The following CIP2A variants were observed in gnomAD, a reference collection of about 807,000 sequenced individuals.
CIP2A encodes the protein protein CIP2A.
In CIP2A, 103 loss-of-function variants were observed where a neutral mutation model predicts 110.9. The observed-to-expected ratio is 0.93, with a 90% CI of 0.79 to 1.09. The LOEUF (loss-of-function observed/expected upper bound fraction) is 1.09. Ranked by LOEUF, CIP2A falls within the 50% of genes least tolerant of loss-of-function variation. CIP2A has a pLI of 0.00. For synonymous variants in CIP2A, 381 were observed against 361.6 expected (o/e 1.05, Z -0.61); for missense variants, 1,088 against 1,038.4 (o/e 1.05, Z -0.66).
chr3:108,566,698 T>C (rs1938200120), intron 10 of CIP2A, 60 bp from the exon 11 acceptor site: 1 of 1,062,532 alleles, frequency 9.4e-7, no homozygotes, highest in Non-Finnish European at 1.3e-6. Context: ...AAAGATAACA[T>C]TCAGGATGAT....
rs774210198 is a variant in CIP2A at position 108,582,126 on chromosome 3, G to A, written c.434C>T (p.Thr145Met). 19 of 1,463,884 alleles carry A rather than the reference G, an allele frequency of 1.3e-5. No homozygotes were observed. The highest frequency in any genetic ancestry group is 7.0e-5 in the African/African-American group (5 of 70,996). The allele number at this position is 1,463,884 out of a possible 1,614,324, so 90.7% of individuals were successfully genotyped here. Residue 145 changes from threonine to methionine, a missense_variant, in exon 4 of 21, where the codon ACG becomes ATG. Physicochemically the swap from Thr to Met is moderately conservative, Grantham distance 81. Transcript: ENST00000295746. ...TACTCACATGTGATCTATCAGGAAC[G>A]TAATTAATTCATCTATATTGGCACC... ...YSGANIDELI[T>M]FLIDHIQSSE...
intron 1 of CIP2A, among the ~76,000 whole-genome samples, chr3:108,588,814 T>C (rs1385291125): frequency 1.3e-5 from 2 of 152,222 alleles, no homozygotes; most frequent in Non-Finnish European, 2.9e-5. Context: ...AATGTTGAAA[T>C]AATGTTTTTC....
Position 108,569,379 on chromosome 3 carries a change from A to G in CIP2A, c.1113+10T>C, listed in dbSNP as rs1440237401. ...AAGTAGAAAAGTCAATCTGTCAGTC[A>G]TCCTATTACCTCAAATATTTCCTTG... On this transcript the variant is annotated intron_variant, in intron 9 of 20. Transcript: ENST00000295746. 1.9e-6 allele frequency: 3 copies of G among 1,588,622 alleles called. No individual in the cohort carries two copies. The highest frequency in any genetic ancestry group is 1.7e-6 in the Non-Finnish European group (2 of 1,157,770).
At chr3:108,551,352 T>C (rs766940858) in intron 20 of CIP2A, 33 bp from the exon 21 acceptor site, 3 of 1,517,326 alleles carry the variant, frequency 2.0e-6, no homozygotes, top group Non-Finnish European at 2.7e-6. Flanking sequence ...GGAGGAAGAA[T>C]TGAGAAGAAA....
intron 13 of CIP2A, among the ~76,000 whole-genome samples, chr3:108,561,543 C>T (rs186808330): frequency 6.6e-6 from 1 of 152,050 alleles, no homozygotes; most frequent in Non-Finnish European, 1.5e-5. Flanking sequence ...GTGGCACAAG[C>T]CTGTGGTCCC....
At chr3:108,568,352 A>G (rs751572956) in intron 9 of CIP2A, 38 bp from the exon 10 acceptor site, 4 of 1,574,084 alleles carry the variant, frequency 2.5e-6, no homozygotes, top group Middle Eastern at 1.7e-4. Flanking sequence ...AAAAGCAAAG[A>G]TGGAATATAC....
At chr3:108,586,664 C>T (rs1939050990) in intron 1 of CIP2A, among the ~76,000 whole-genome samples, 1 of 152,078 alleles carries the variant, frequency 6.6e-6, no homozygotes. Context: ...AGGTAGGTAC[C>T]ACTATTTTGT....
At chr3:108,578,161 C>T (rs989596003) in intron 7 of CIP2A, among the ~76,000 whole-genome samples, 3 of 152,192 alleles carry the variant, frequency 2.0e-5, no homozygotes, top group Non-Finnish European at 4.4e-5. Flanking sequence ...GAGAGATTTA[C>T]AGAATAAATG....
intron 12 of CIP2A, 122 bp downstream of exon 12, chr3:108,565,233 T>C: frequency 1.8e-6 from 1 of 570,086 alleles, no homozygotes; most frequent in Non-Finnish European, 3.1e-6. Flanking sequence ...AACTTTAAAC[T>C]TTCTTCTCAT....
In CIP2A at chr3:108,576,278, G is replaced by A; in HGVS notation, c.887C>T (p.Ser296Phe). 3 of 1,549,846 alleles carry A rather than the reference G, an allele frequency of 1.9e-6. No individual in the cohort carries two copies. The highest frequency in any genetic ancestry group is 2.6e-6 in the Non-Finnish European group (3 of 1,146,344). The part of the protein sequence containing the change: ...GLLNGKDPDS[S>F]SKVLELLLAF... ...AGTCATGTTTTTACATACCTTTGAAGAGGAATCAGGATCCTTTCCATTAAG... is the reference window on the plus strand; with the variant it reads ...AGTCATGTTTTTACATACCTTTGAAAAGGAATCAGGATCCTTTCCATTAAG... The change falls in exon 8 of 21, where the codon TCT (serine) becomes TTT (phenylalanine). Residue 296 changes from serine (S) to phenylalanine (F), a missense_variant. Physicochemically the swap from Ser to Phe is radical, Grantham distance 155. Transcript: ENST00000295746.
chr3:108,589,315 T>C lies in CIP2A; in HGVS notation c.61A>G (p.Lys21Glu), dbSNP rs932693154. ...AGCTGAGTGGCGTTCGCCTCTGACT[T>C]CACGGCTTTGTACTGACTGACAGTC... Reference protein sequence around the residue: ...LLTVSQYKAVKSEANATQLLR... With the variant: ...LLTVSQYKAVESEANATQLLR... Residue 21 changes from lysine to glutamate, a missense_variant, in exon 1 of 21, where the codon AAG (lysine) becomes GAG (glutamate). Physicochemically the swap from Lys to Glu is moderately conservative, Grantham distance 56. Transcript: ENST00000295746. 2 of 1,613,980 alleles carry C rather than the reference T, an allele frequency of 1.2e-6. No individual in the cohort carries two copies. The highest frequency in any genetic ancestry group is 2.7e-5 in the African/African-American group (2 of 74,948).
chr3:108,560,796 T>C lies in CIP2A; in HGVS notation c.1680A>G (p.Glu560=), dbSNP rs1403816910. ...IAANNAYRQQ[E]TEHIPRKMPW... is the part of the protein sequence containing the mutation. ...GCATTTTTCTGGGTATATGTTCTGT[T>C]TCCTGTTGTCTATAGGCATTGTTTG... The change falls in exon 14 of 21, where the codon GAA becomes GAG. Residue 560 remains glutamate, a synonymous_variant. Coordinates refer to ENST00000295746, the MANE Select transcript of CIP2A (RefSeq NM_020890.3). The C allele has an allele frequency of 1.2e-6, 2 of 1,612,542 alleles. No individual in the cohort carries two copies. The highest frequency in any genetic ancestry group is 1.7e-6 in the Non-Finnish European group (2 of 1,179,234).
chr3:108,552,164 A>G (rs1470675566), intron 20 of CIP2A, 70 bp downstream of exon 20: 28 of 1,246,394 alleles, frequency 2.2e-5, no homozygotes, highest in Non-Finnish European at 3.0e-5. Context: ...ACATTCCTTT[A>G]TCCATATTCA....
chr3:108,582,648 A>G (rs1212394074), intron 3 of CIP2A, among the ~76,000 whole-genome samples: 3 of 152,188 alleles, frequency 2.0e-5, no homozygotes, highest in East Asian at 3.8e-4. Flanking sequence ...CGTTTCCTCC[A>G]CAGATTGAGA....
At position 108,560,740 on chromosome 3, in the gene CIP2A, G is replaced by A. The variant is rs777206731; in HGVS notation, c.1736C>T (p.Thr579Ile). 4.3e-6 allele frequency: 7 copies of A among 1,612,072 alleles called. No individual in the cohort carries two copies. In the South Asian group the frequency reaches 4.4e-5, roughly 10 times the overall value. The stretch of plus-strand genomic sequence containing the variant: ...ATGAGGAGTTAAACACTTTATTGAT[G>A]TTGGAAAACTGTGATTTGATGATTG... ...PWQSSNHSFP[T>I]SIKCLTPHLK... is the part of the protein sequence containing the mutation. Residue 579 changes from threonine to isoleucine, a missense_variant, in exon 14 of 21, where the codon ACA (threonine) becomes ATA (isoleucine). Physicochemically the swap from Thr to Ile is moderately conservative, Grantham distance 89. Coordinates refer to ENST00000295746, the MANE Select transcript of CIP2A (RefSeq NM_020890.3).
At chr3:108,575,282 G>A (rs962851637) in intron 8 of CIP2A, among the ~76,000 whole-genome samples, 1 of 129,750 alleles carries the variant, frequency 7.7e-6, no homozygotes, top group Non-Finnish European at 1.5e-5. Context: ...ACACACACAC[G>A]TGTACGTACA....
At chr3:108,586,985 T>C (rs553445161) in intron 1 of CIP2A, among the ~76,000 whole-genome samples, 4 of 152,218 alleles carry the variant, frequency 2.6e-5, no homozygotes, top group African/African-American at 9.6e-5. Context: ...ACATTCACCA[T>C]TAAAAATACA....
chr3:108,559,881 T>G lies in CIP2A; in HGVS notation c.1903-14A>C, dbSNP rs1392786073. ...GCTTTCTTTGGACTACAAGAAAACA[T>G]ATCATTAATTTTCATTTTAGGAATA... is the stretch of plus-strand genomic sequence containing the variant. On this transcript the variant is annotated splice_polypyrimidine_tract_variant and intron_variant, in intron 15 of 20. Transcript: ENST00000295746. 1 of 1,596,898 alleles carries G rather than the reference T, an allele frequency of 6.3e-7. No homozygotes were observed. The highest frequency in any genetic ancestry group is 1.1e-5 in the South Asian group (1 of 89,548).
intron 11 of CIP2A, among the ~76,000 whole-genome samples, 195 bp downstream of exon 11, chr3:108,566,302 G>GTTA (rs756653369): frequency 4.2e-4 from 63 of 151,690 alleles, no homozygotes; most frequent in Non-Finnish European, 5.3e-4. Context: ...AACAACAAAT[G>GTTA]TTAATACCTT....
Sources: gnomAD v4.1 joint callset for allele counts (sites outside exome capture counted in the v4.1 genomes callset) on GRCh38, gnomAD v4.1.1 for gene constraint, MANE v1.5 for transcripts, NCBI Gene and HGNC (gene_info 2026-07-23, HGNC 2026-07-21) for gene names.